Variants in TRMT1L observed in about 807,000 individuals in gnomAD.
The protein encoded by TRMT1L is tRNA (guanine(27)-N(2))-dimethyltransferase.
Under a neutral mutation model 81.6 loss-of-function variants are expected in TRMT1L, and 28 were observed. That is an observed-to-expected ratio of 0.34 (90% CI 0.25 to 0.47). The LOEUF is 0.47. Ranked by LOEUF, TRMT1L falls within the 20% of genes least tolerant of loss-of-function variation. TRMT1L has a pLI of 1.00. For missense variants in TRMT1L, 739 were observed against 877.1 expected (o/e 0.84, Z 1.99); for synonymous variants, 301 against 303.2 (o/e 0.99, Z 0.07).
intron 5 of TRMT1L, among the ~76,000 whole-genome samples, chr1:185,145,228 T>C (rs1653157490): frequency 6.6e-6 from 1 of 151,912 alleles, no homozygotes. Context: ...ACTTACTTTT[T>C]TCTACACCAT....
chr1:185,134,435 C>A (rs534635453), intron 10 of TRMT1L, among the ~76,000 whole-genome samples: 30 of 152,350 alleles, frequency 2.0e-4, no homozygotes, highest in African/African-American at 7.0e-4. Flanking sequence ...GGTCCGTCCG[C>A]CTCAGCCTCC....
At chr1:185,150,762 A>G (rs1472295672) in intron 2 of TRMT1L, among the ~76,000 whole-genome samples, 1 of 152,210 alleles carries the variant, frequency 6.6e-6, no homozygotes, top group African/African-American at 2.4e-5. Flanking sequence ...AGAAGTGATA[A>G]ACTGTATGAC....
chr1:185,157,063 C>T, upstream of TRMT1L: 1 of 287,352 alleles, frequency 3.5e-6, no homozygotes, highest in South Asian at 4.1e-5. Context: ...CCAAACCGAA[C>T]AAAGACTACA....
chr1:185,125,658 T>G (rs1460408136), intron 11 of TRMT1L, among the ~76,000 whole-genome samples: 1 of 152,108 alleles, frequency 6.6e-6, no homozygotes, highest in African/African-American at 2.4e-5. Flanking sequence ...TACTTAAAAA[T>G]GGTAAAGAAG....
chr1:185,134,141 G>A (rs1652839902), intron 10 of TRMT1L, among the ~76,000 whole-genome samples: 2 of 151,934 alleles, frequency 1.3e-5, no homozygotes, highest in African/African-American at 4.8e-5. Flanking sequence ...GTCAGGCAGA[G>A]GTTATTATTT....
At position 185,148,636 on chromosome 1, in the gene TRMT1L, G is replaced by T. The variant is rs141496106; in HGVS notation, c.461-1390C>A. ...TATCACAAGAAAATATTTAAGAAAA[G>T]AGAATAACTTGGAGGGAGACCAAAC... On this transcript the variant is annotated intron_variant, in intron 3 of 14. Coordinates refer to ENST00000367506, the MANE Select transcript of TRMT1L (RefSeq NM_030934.5). Among the ~76,000 whole-genome samples, 63 of 152,282 alleles carry T rather than the reference G, an allele frequency of 4.1e-4. No individual in the cohort carries two copies. In the East Asian group the frequency reaches 0.01, roughly 24 times the overall value.
chr1:185,141,162 A>C (rs1042561232), intron 7 of TRMT1L, among the ~76,000 whole-genome samples: 7 of 152,160 alleles, frequency 4.6e-5, no homozygotes, highest in African/African-American at 1.7e-4. Flanking sequence ...TATGTACTGG[A>C]AATACTGACC....
intron 3 of TRMT1L, among the ~76,000 whole-genome samples, chr1:185,147,722 A>G (rs1474964809): frequency 4.6e-5 from 7 of 152,088 alleles, no homozygotes; most frequent in Non-Finnish European, 1.0e-4. Flanking sequence ...CATGCCCTAA[A>G]ATGTAGAAAT....
intron 1 of TRMT1L, among the ~76,000 whole-genome samples, chr1:185,155,236 T>C (rs928488290): frequency 6.6e-6 from 1 of 152,204 alleles, no homozygotes; most frequent in Non-Finnish European, 1.5e-5. Flanking sequence ...ATGCATGCAT[T>C]TCCCAAAGCT....
intron 11 of TRMT1L, among the ~76,000 whole-genome samples, chr1:185,126,551 T>C (rs1652634195): frequency 2.0e-5 from 3 of 152,206 alleles, no homozygotes; most frequent in African/African-American, 7.2e-5. Context: ...GATTTTAAAT[T>C]ATCAAATATG....
chr1:185,149,304 C>CT (rs369603781), intron 3 of TRMT1L, among the ~76,000 whole-genome samples: 14,338 of 139,838 alleles, frequency 0.1, 931 homozygotes, highest in East Asian at 0.25. Flanking sequence ...TTTACTTCCT[C>CT]TTTTTTTTTT....
intron 13 of TRMT1L, among the ~76,000 whole-genome samples, chr1:185,121,899 A>C (rs1159314224): frequency 6.6e-6 from 1 of 152,070 alleles, no homozygotes; most frequent in East Asian, 1.9e-4. Flanking sequence ...TGCAGTGGGC[A>C]TAGTACCCAA....
chr1:185,132,529 TAAATAA>T (rs552088834), intron 10 of TRMT1L, among the ~76,000 whole-genome samples: 18 of 147,432 alleles, frequency 1.2e-4, no homozygotes, highest in African/African-American at 2.0e-4. Context: ...AAAAAAAAAA[TAAATAA>T]AAATAAAAAT....
At chr1:185,150,581 C>T in intron 2 of TRMT1L, 89 bp from the exon 3 acceptor site, 1 of 835,146 alleles carries the variant, frequency 1.2e-6, no homozygotes, top group East Asian at 2.6e-5. Context: ...GGGGGCTCCC[C>T]CTCCTACTTC....
chr1:185,126,375 T>C (rs959137267), intron 11 of TRMT1L, among the ~76,000 whole-genome samples: 18 of 152,110 alleles, frequency 1.2e-4, no homozygotes, highest in Non-Finnish European at 1.8e-4. Context: ...GCCCACTGCA[T>C]GCTCTGCCTC....
chr1:185,155,029 A>G (rs558600020), intron 1 of TRMT1L, among the ~76,000 whole-genome samples: 2 of 152,338 alleles, frequency 1.3e-5, no homozygotes, highest in South Asian at 4.1e-4. Context: ...AACTAAAAAT[A>G]ATGTTTAAAA....
intron 6 of TRMT1L, 31 bp from the exon 7 acceptor site, chr1:185,143,467 T>C (rs373080086): frequency 2.6e-6 from 4 of 1,566,624 alleles, no homozygotes; most frequent in African/African-American, 2.7e-5. Context: ...GAAATAACTT[T>C]ACCATGGCTT....
intron 11 of TRMT1L, 108 bp from the exon 12 acceptor site, chr1:185,125,218 A>G (rs1313083527): frequency 2.2e-5 from 14 of 628,496 alleles, no homozygotes; most frequent in Non-Finnish European, 3.4e-5. Flanking sequence ...ATTATATGAC[A>G]GAGTAATACT....
At chr1:185,130,511 C>A (rs1652743477) in intron 10 of TRMT1L, among the ~76,000 whole-genome samples, 1 of 152,128 alleles carries the variant, frequency 6.6e-6, no homozygotes, top group Non-Finnish European at 1.5e-5. Context: ...GATAGATGGG[C>A]AACCAACAAA....
Sources: gnomAD v4.1 joint callset for allele counts (sites outside exome capture counted in the v4.1 genomes callset) on GRCh38, gnomAD v4.1.1 for gene constraint, MANE v1.5 for transcripts, NCBI Gene and HGNC (gene_info 2026-07-23, HGNC 2026-07-21) for gene names.